Variants in CERS4 observed in about 807,000 individuals in gnomAD.
The protein encoded by CERS4 is ceramide synthase 4, also known as LAG1 homolog, ceramide synthase 4.
Under a neutral mutation model 51.8 loss-of-function variants are expected in CERS4, and 65 were observed. The observed-to-expected ratio is 1.26, with a 90% CI of 1.03 to 1.54. The LOEUF is 1.54. Ranked by LOEUF, CERS4 falls within the 40% of genes most tolerant of loss-of-function variation. CERS4 has a pLI of 0.00. For synonymous variants in CERS4, 228 were observed against 208.4 expected (o/e 1.09, Z -0.81); for missense variants, 563 against 500.4 (o/e 1.13, Z -1.19).
At chr19:8,241,629 A>C (rs1968542614) in intron 2 of CERS4, among the ~76,000 whole-genome samples, 2 of 152,166 alleles carry the variant, frequency 1.3e-5, no homozygotes, top group African/African-American at 4.8e-5. Flanking sequence ...ACTCCACCTC[A>C]GGTGCCATTC....
At chr19:8,240,670 A>C (rs1234977589) in intron 2 of CERS4, 1 of 151,956 alleles carries the variant, frequency 6.6e-6, no homozygotes, top group Non-Finnish European at 1.5e-5. Flanking sequence ...CCTTTTTCAC[A>C]ACCATGGACA....
chr19:8,257,062 T>G lies in CERS4; in HGVS notation c.726T>G (p.Ser242=), dbSNP rs36247. The G allele has an allele frequency of 3.4e-5, 54 of 1,604,146 alleles. 1 individual carries two copies. Among genetic ancestry groups the G allele is most frequent in the Middle Eastern group, 1.7e-4 (1 of 6,008 alleles). The part of the protein sequence containing the change: ...GSLVLLLHDS[S]DYLLEACKMV... ...TGGTGCTGCTGTTACACGATTCCTC[T>G]GACTACCTGCTGGAGGTGGGCCCGA... The change falls in exon 9 of 12, where the codon TCT becomes TCG. Residue 242 remains serine, a synonymous_variant. Coordinates refer to ENST00000251363, the MANE Select transcript of CERS4 (RefSeq NM_024552.3).
chr19:8,235,416 T>C (rs1968205877), intron 2 of CERS4, among the ~76,000 whole-genome samples: 1 of 151,598 alleles, frequency 6.6e-6, no homozygotes. Context: ...GGCCATCTTT[T>C]TGCTTTTTTT....
In CERS4 at chr19:8,262,109, G is replaced by A. The variant is rs1045702346; in HGVS notation, c.1185G>A (p.Ter395=). The A allele has an allele frequency of 1.4e-6, 2 of 1,467,360 alleles. No individual in the cohort carries two copies. The highest frequency in any genetic ancestry group is 5.5e-5 in the Admixed American group (2 of 36,580). The allele number at this position is 1,467,360 out of a possible 1,614,324, so 90.9% of individuals were successfully genotyped here. The change falls in exon 12 of 12, where the codon TAG becomes TAA. Residue 395 remains the stop codon, a stop_retained_variant. Transcript: ENST00000251363. ...RLTNRHTTAT[*] ...CCAACAGGCACACAACAGCCACATA[G>A]CCGGGCGGGGCTGGCTGTAAGGGGT...
chr19:8,252,492 A>G (rs1373016459), intron 3 of CERS4, among the ~76,000 whole-genome samples: 2 of 151,362 alleles, frequency 1.3e-5, no homozygotes, highest in South Asian at 2.1e-4. Flanking sequence ...TGGCTGGAGT[A>G]CAGTGGCACA....
At chr19:8,252,322 A>G (rs1969127920) in intron 3 of CERS4, among the ~76,000 whole-genome samples, 1 of 151,326 alleles carries the variant, frequency 6.6e-6, no homozygotes, top group Admixed American at 6.6e-5. Flanking sequence ...GTGAGCTGAG[A>G]TCATGCCAGT....
At chr19:8,230,072 GA>G (rs1218274994) in intron 2 of CERS4, among the ~76,000 whole-genome samples, 1 of 152,054 alleles carries the variant, frequency 6.6e-6, no homozygotes, top group African/African-American at 2.4e-5. Flanking sequence ...TAGCCATAGG[GA>G]AAAAAATCAA....
chr19:8,233,793 G>A (rs917357816), intron 2 of CERS4, among the ~76,000 whole-genome samples: 3 of 150,120 alleles, frequency 2.0e-5, no homozygotes, highest in African/African-American at 7.4e-5. Flanking sequence ...CAGGTGGATC[G>A]CTTGATTCCA....
At chr19:8,259,112 C>G (rs1006925723) in intron 10 of CERS4, among the ~76,000 whole-genome samples, 1 of 151,844 alleles carries the variant, frequency 6.6e-6, no homozygotes, top group Non-Finnish European at 1.5e-5. Context: ...CCAGCCTGGG[C>G]GACAGAGCAA....
intron 2 of CERS4, among the ~76,000 whole-genome samples, chr19:8,218,500 C>G (rs1029512620): frequency 6.6e-6 from 1 of 151,774 alleles, no homozygotes; most frequent in Non-Finnish European, 1.5e-5. Context: ...GGCTGAGAAC[C>G]TCGGAGTCAG....
At chr19:8,247,161 A>G (rs1968823832) in intron 2 of CERS4, among the ~76,000 whole-genome samples, 1 of 152,102 alleles carries the variant, frequency 6.6e-6, no homozygotes, top group South Asian at 2.1e-4. Flanking sequence ...GTGAGACTCC[A>G]TCTCAAAATG....
Position 8,253,466 on chromosome 19 carries a change from TTTTTTG to T in CERS4, c.174-1032_174-1027del, listed in dbSNP as rs1599582889. 2.7e-5 allele frequency among the ~76,000 whole-genome samples: 4 copies of T among 148,624 alleles called. No homozygotes were observed. In the East Asian group the frequency reaches 5.9e-4, roughly 22 times the overall value. The stretch of plus-strand genomic sequence containing the variant: ...CCAGCTGCCTTTTTTTTTTTTTTTT[TTTTTTG>T]GGGAGACAGAGTCTTGTTGCTCTGT... On this transcript the variant is annotated intron_variant, in intron 3 of 11. Coordinates refer to ENST00000251363, the MANE Select transcript of CERS4 (RefSeq NM_024552.3).
chr19:8,253,307 C>T (rs531535354), intron 3 of CERS4, among the ~76,000 whole-genome samples: 3 of 152,276 alleles, frequency 2.0e-5, no homozygotes, highest in South Asian at 2.1e-4. Flanking sequence ...CCTAGACTGG[C>T]GGGGGGTCAG....
chr19:8,231,851 A>ATTTT (rs3042169), intron 2 of CERS4, among the ~76,000 whole-genome samples: 37 of 104,402 alleles, frequency 3.5e-4, no homozygotes, highest in Admixed American at 8.0e-4. Flanking sequence ...TGTGCCCAGC[A>ATTTT]TTTTTTTTTT....
chr19:8,240,521 G>T (rs1968482687), intron 2 of CERS4: 1 of 152,146 alleles, frequency 6.6e-6, no homozygotes, highest in Non-Finnish European at 1.5e-5. Flanking sequence ...TCTGGCCGCA[G>T]GAATCAGGTG....
In CERS4 at chr19:8,231,795, G is replaced by A. The variant is rs575823100; in HGVS notation, c.-1-19281G>A. 2.8e-4 allele frequency among the ~76,000 whole-genome samples: 42 copies of A among 148,220 alleles called. 2 individuals carry two copies. In the South Asian group the frequency reaches 5.6e-3, roughly 20 times the overall value. ...TCTCGATTTCCTGACCTCGTGATCC[G>A]CCTGCCTTGGCCTCCCAAAGTTCTG... On this transcript the variant is annotated intron_variant, in intron 2 of 11. Transcript: ENST00000251363.
rs1568501211 is a variant in CERS4 at position 8,221,882 on chromosome 19, T to TG, written c.-2+11020_-2+11021insG. 1.0e-4 allele frequency among the ~76,000 whole-genome samples: 10 copies of TG among 95,538 alleles called. No homozygotes were observed. The East Asian group carries it at 2.3e-3, about 22-fold the overall frequency. The allele number at this position is 95,538 out of a possible 152,430, so 62.7% of individuals were successfully genotyped here. ...TATTTATTTTTTTATGTTTTTTTTT[T>TG]TTTTTTTTTTTTTTTTTGAGACAGA... On this transcript the variant is annotated intron_variant, in intron 2 of 11. Transcript: ENST00000251363.
In CERS4 at chr19:8,235,673, A is replaced by C. The variant is rs1283197924; in HGVS notation, c.-1-15403A>C. 2.0e-5 allele frequency among the ~76,000 whole-genome samples: 3 copies of C among 146,882 alleles called. No individual in the cohort carries two copies. The East Asian group carries it at 6.3e-4, about 31-fold the overall frequency. ...GATGCCGAGGTGGGAGGATTGCTTG[A>C]ACCTAGGAGTTTGAGACTAGCCCAG... On this transcript the variant is annotated intron_variant, in intron 2 of 11. Transcript: ENST00000251363.
chr19:8,224,495 C>T (rs1026896192), intron 2 of CERS4, among the ~76,000 whole-genome samples: 2 of 152,066 alleles, frequency 1.3e-5, no homozygotes, highest in African/African-American at 4.8e-5. Flanking sequence ...CTAACCCAGC[C>T]CAGCGGCGAT....
Sources: allele counts gnomAD v4.1 joint callset (sites outside exome capture counted in the v4.1 genomes callset), GRCh38; gene constraint gnomAD v4.1.1; transcripts MANE v1.5; gene names NCBI Gene and HGNC (gene_info 2026-07-23, HGNC 2026-07-21).